The following TENM4 variants were observed in gnomAD, a reference collection of about 807,000 sequenced individuals.
TENM4 encodes the protein teneurin-4.
In TENM4, 82 loss-of-function variants were observed where a neutral mutation model predicts 243.3. The observed-to-expected ratio is 0.34, with a 90% CI of 0.28 to 0.40. TENM4 has a LOEUF of 0.40. Ranked by LOEUF, TENM4 falls within the 10% of genes least tolerant of loss-of-function variation. The probability of loss-of-function intolerance (pLI) is 1.00; values close to 1 mark genes in which losing one functional copy is unlikely to be tolerated. For missense variants in TENM4, 3,138 were observed against 3,673.3 expected (o/e 0.85, Z 3.77); for synonymous variants, 1,412 against 1,456.3 (o/e 0.97, Z 0.69).
chr11:79,024,125 C>T (rs138305418), intron 6 of TENM4, among the ~76,000 whole-genome samples: 108 of 150,184 alleles, frequency 7.2e-4, no homozygotes, highest in African/African-American at 2.6e-3. Flanking sequence ...GTGGGAAGGA[C>T]GAAGACAATG....
intron 32 of TENM4, among the ~76,000 whole-genome samples, chr11:78,666,585 G>C (rs1387619975): frequency 2.6e-5 from 4 of 152,208 alleles, no homozygotes. Flanking sequence ...GAAAATGTTA[G>C]GTGCCCCTTG....
chr11:78,979,824 C>CAGGG (rs1331374242), intron 6 of TENM4, among the ~76,000 whole-genome samples: 8 of 152,194 alleles, frequency 5.3e-5, no homozygotes, highest in Admixed American at 1.3e-4. Flanking sequence ...CTAGATCCAT[C>CAGGG]ATCAGTTATC....
At chr11:78,738,742 C>T (rs1436255752) in intron 19 of TENM4, among the ~76,000 whole-genome samples, 172 bp from the exon 20 acceptor site, 1 of 152,208 alleles carries the variant, frequency 6.6e-6, no homozygotes, top group African/African-American at 2.4e-5. Flanking sequence ...AAAATATCAC[C>T]TCAGTTTAGG....
At chr11:78,920,798 T>A (rs576536663) in intron 6 of TENM4, among the ~76,000 whole-genome samples, 2 of 152,326 alleles carry the variant, frequency 1.3e-5, no homozygotes, top group Middle Eastern at 3.4e-3. Context: ...GCAGAATAAT[T>A]CCAAATGGGG....
At chr11:78,966,667 G>T (rs951063821) in intron 6 of TENM4, among the ~76,000 whole-genome samples, 2 of 152,174 alleles carry the variant, frequency 1.3e-5, no homozygotes, top group African/African-American at 4.8e-5. Context: ...AGCCTTGGAG[G>T]ATTTCAATGA....
chr11:78,768,204 C>T (rs964978843), intron 18 of TENM4, among the ~76,000 whole-genome samples: 7 of 152,238 alleles, frequency 4.6e-5, no homozygotes, highest in Non-Finnish European at 7.3e-5. Context: ...CCTTGGCTCC[C>T]GCAGTGGGTG....
At chr11:79,405,658 G>A (rs913862368) in intron 1 of TENM4, among the ~76,000 whole-genome samples, 7 of 151,496 alleles carry the variant, frequency 4.6e-5, no homozygotes, top group African/African-American at 1.2e-4. Context: ...TACCATAAAC[G>A]TTTCTCTACA....
chr11:78,690,535 A>G (rs1858794209), intron 28 of TENM4, among the ~76,000 whole-genome samples: 1 of 152,234 alleles, frequency 6.6e-6, no homozygotes, highest in Admixed American at 6.5e-5. Flanking sequence ...ACCACACGTG[A>G]GAGCTCATGA....
intron 4 of TENM4, among the ~76,000 whole-genome samples, chr11:79,085,363 C>T (rs371437586): frequency 3.7e-5 from 5 of 133,516 alleles, no homozygotes; most frequent in African/African-American, 8.7e-5. Flanking sequence ...GGCGAAAGAG[C>T]GAGACTCTGT....
At chr11:79,416,135 C>A (rs1463185408) in intron 1 of TENM4, among the ~76,000 whole-genome samples, 1 of 152,186 alleles carries the variant, frequency 6.6e-6, no homozygotes, top group Non-Finnish European at 1.5e-5. Flanking sequence ...TTTATCCATT[C>A]ACCTGTTGAT....
At chr11:79,066,736 G>A (rs866112681) in intron 5 of TENM4, among the ~76,000 whole-genome samples, 3 of 146,384 alleles carry the variant, frequency 2.0e-5, no homozygotes, top group African/African-American at 7.9e-5. Flanking sequence ...ACACGCGCAC[G>A]CACATGCACA....
intron 6 of TENM4, among the ~76,000 whole-genome samples, chr11:79,042,420 CAA>C (rs1166743429): frequency 6.6e-6 from 1 of 152,140 alleles, no homozygotes; most frequent in African/African-American, 2.4e-5. Context: ...ATGATTAGGC[CAA>C]GAGGGCTCTT....
At chr11:79,217,881 G>A (rs112181499) in intron 2 of TENM4, among the ~76,000 whole-genome samples, 64 of 152,080 alleles carry the variant, frequency 4.2e-4, no homozygotes, top group African/African-American at 1.4e-3. Context: ...CACCACCACG[G>A]CTGGCTAATT....
At chr11:79,244,049 G>A (rs562320009) in intron 2 of TENM4, among the ~76,000 whole-genome samples, 108 of 152,306 alleles carry the variant, frequency 7.1e-4, no homozygotes, top group African/African-American at 2.5e-3. Flanking sequence ...CAAGTCCTAC[G>A]ATCAGTGGTT....
chr11:79,434,409 G>A (rs1317348831), intron 1 of TENM4, among the ~76,000 whole-genome samples: 1 of 151,996 alleles, frequency 6.6e-6, no homozygotes, highest in Non-Finnish European at 1.5e-5. Flanking sequence ...GTGGGAGGGG[G>A]AAATCCACAG....
intron 10 of TENM4, among the ~76,000 whole-genome samples, chr11:78,857,189 C>T (rs1181222357): frequency 6.6e-6 from 1 of 152,172 alleles, no homozygotes; most frequent in Non-Finnish European, 1.5e-5. Flanking sequence ...CACTGAAAGA[C>T]CAGCATCAAG....
At chr11:78,668,828 G>A (rs1043063272) in intron 32 of TENM4, 109 bp downstream of exon 32, 9 of 1,365,066 alleles carry the variant, frequency 6.6e-6, no homozygotes, top group Non-Finnish European at 7.0e-6. Context: ...CTAAGAGAAA[G>A]TCAGTGTTTC....
At chr11:78,776,973 A>G (rs1856751860) in intron 17 of TENM4, among the ~76,000 whole-genome samples, 1 of 152,082 alleles carries the variant, frequency 6.6e-6, no homozygotes, top group African/African-American at 2.4e-5. Context: ...TAGAAGTGTG[A>G]GCCAGGATGA....
chr11:79,399,294 G>A (rs2135553049), intron 1 of TENM4, among the ~76,000 whole-genome samples: 1 of 152,276 alleles, frequency 6.6e-6, no homozygotes, highest in Middle Eastern at 3.4e-3. Context: ...CTCTGGGGAA[G>A]GAGAATCAGC....
Sources: allele counts gnomAD v4.1 joint callset (sites outside exome capture counted in the v4.1 genomes callset), GRCh38; gene constraint gnomAD v4.1.1; transcripts MANE v1.5; gene names NCBI Gene and HGNC (gene_info 2026-07-23, HGNC 2026-07-21).